The following PKP4 variants were observed in gnomAD, a reference collection of about 807,000 sequenced individuals.
The protein encoded by PKP4 is plakophilin 4.
A neutral mutation model predicts 145.1 loss-of-function variants in PKP4; 90 were observed. The ratio of observed to expected loss-of-function variants is 0.62; its 90% CI spans 0.52 to 0.74. The LOEUF (loss-of-function observed/expected upper bound fraction) is 0.74, where lower values mean the gene tolerates loss of function less well. PKP4 is among the 30% of genes least tolerant of loss of function. PKP4 has a pLI of 0.00. For synonymous variants in PKP4, 563 were observed against 577.2 expected, an observed-to-expected ratio of 0.98 and a Z score of 0.35; for missense variants, 1,340 against 1,482.7, an observed-to-expected ratio of 0.90 and a Z score of 1.58.
At chr2:158,619,941 A>ACACG (rs1491017114) in intron 4 of PKP4, among the ~76,000 whole-genome samples, 1 of 46,332 alleles carries the variant, frequency 2.2e-5, no homozygotes, top group African/African-American at 5.0e-5. Context: ...ACACACACAC[A>ACACG]CACGCACACA....
chr2:158,486,265 A>T (rs1018270390), intron 1 of PKP4, among the ~76,000 whole-genome samples: 2 of 152,212 alleles, frequency 1.3e-5, no homozygotes, highest in Non-Finnish European at 2.9e-5. Context: ...AGGTATAGAG[A>T]CAATATTAAT....
At position 158,621,241 on chromosome 2, in the gene PKP4, T is replaced by C; in HGVS notation, c.423T>C (p.Gly141=). The part of the protein sequence containing the change: ...TSLHESEGSL[G]NSRSSTQMNS... ...GTTTCATTCTTACAGGATCATTGGG[T>C]AACTCAAGAAGTTCAACACAAATGA... The change falls in exon 6 of 22, where the codon GGT becomes GGC. Residue 141 remains glycine (G), a synonymous_variant. Coordinates refer to ENST00000389759, the MANE Select transcript of PKP4 (RefSeq NM_003628.6). 1.9e-6 allele frequency: 3 copies of C among 1,614,168 alleles called. No homozygotes were observed. The South Asian group carries it at 3.3e-5, about 18-fold the overall frequency.
intron 1 of PKP4, 52 bp downstream of exon 1, chr2:158,457,270 T>A (rs1181870031): frequency 1.3e-5 from 2 of 151,178 alleles, no homozygotes; most frequent in Non-Finnish European, 3.0e-5. Flanking sequence ...CACGAGACCC[T>A]CGGCCCTCGC....
intron 2 of PKP4, among the ~76,000 whole-genome samples, chr2:158,550,137 A>C (rs2045469476): frequency 9.8e-6 from 1 of 102,470 alleles, no homozygotes; most frequent in Admixed American, 9.4e-5. Flanking sequence ...CTTTTCTGCC[A>C]AGAAGAAGTT....
intron 4 of PKP4, among the ~76,000 whole-genome samples, chr2:158,604,384 C>T (rs989494566): frequency 4.6e-5 from 7 of 152,234 alleles, no homozygotes; most frequent in African/African-American, 9.6e-5. Context: ...ATACTCTCTC[C>T]GTGATCATGG....
At chr2:158,566,024 A>G (rs1258148461) in intron 2 of PKP4, among the ~76,000 whole-genome samples, 1 of 152,188 alleles carries the variant, frequency 6.6e-6, no homozygotes, top group Non-Finnish European at 1.5e-5. Flanking sequence ...TTCTAATTCT[A>G]GTACCCCTGC....
intron 3 of PKP4, among the ~76,000 whole-genome samples, chr2:158,580,949 T>C (rs2048281385): frequency 6.6e-6 from 1 of 152,208 alleles, no homozygotes; most frequent in Admixed American, 6.5e-5. Context: ...TCCACCCCCA[T>C]GGCCCTGGCA....
chr2:158,492,415 C>T (rs557105759), intron 1 of PKP4, among the ~76,000 whole-genome samples: 8 of 152,318 alleles, frequency 5.3e-5, no homozygotes, highest in Admixed American at 2.6e-4. Context: ...GGTTGCTTCT[C>T]CTTAAGTATC....
chr2:158,643,651 GCA>G (rs70994217), intron 11 of PKP4, among the ~76,000 whole-genome samples: 116,911 of 149,448 alleles, frequency 0.78, 48,364 homozygotes, highest in East Asian at 0.97. Context: ...GGTTGAGGCT[GCA>G]CAGTGAGCCA....
chr2:158,658,080 C>A, intron 11 of PKP4, 51 bp from the exon 12 acceptor site: 1 of 1,049,672 alleles, frequency 9.5e-7, no homozygotes, highest in Non-Finnish European at 1.4e-6. Context: ...TATTTTATTT[C>A]TAAAGCCACA....
At chr2:158,642,830 A>G in intron 11 of PKP4, 131 bp downstream of exon 11, 1 of 534,716 alleles carries the variant, frequency 1.9e-6, no homozygotes, top group Non-Finnish European at 3.2e-6. Context: ...AGTGCTCACA[A>G]CTGTGAAGGC....
At chr2:158,672,839 T>C (rs1033282248) in intron 17 of PKP4, among the ~76,000 whole-genome samples, 2 of 94,536 alleles carry the variant, frequency 2.1e-5, no homozygotes, top group Non-Finnish European at 4.1e-5. Context: ...GAGAGTTTAA[T>C]TGGGAAGATA....
intron 1 of PKP4, among the ~76,000 whole-genome samples, chr2:158,503,511 A>G (rs932685572): frequency 1.6e-4 from 24 of 152,352 alleles, no homozygotes; most frequent in African/African-American, 5.0e-4. Context: ...ATTTTATCAA[A>G]TCCTGTTTTA....
intron 7 of PKP4, among the ~76,000 whole-genome samples, chr2:158,630,606 G>T (rs1265709525): frequency 6.6e-6 from 1 of 152,176 alleles, no homozygotes; most frequent in Non-Finnish European, 1.5e-5. Flanking sequence ...TTAAACATCA[G>T]CCTTTACCAA....
chr2:158,604,271 G>A (rs532394412), intron 4 of PKP4, among the ~76,000 whole-genome samples: 6 of 152,214 alleles, frequency 3.9e-5, no homozygotes, highest in South Asian at 2.1e-4. Flanking sequence ...CAAGTGTCAC[G>A]GGAAGGGAAC....
At chr2:158,469,098 T>G (rs1356799115) in intron 1 of PKP4, among the ~76,000 whole-genome samples, 3 of 146,856 alleles carry the variant, frequency 2.0e-5, no homozygotes, top group East Asian at 2.0e-4. Flanking sequence ...TTTTTTGTTG[T>G]TTTTTTTTTG....
At chr2:158,458,947 T>A (rs71421077) in intron 1 of PKP4, among the ~76,000 whole-genome samples, 9,348 of 150,572 alleles carry the variant, frequency 0.062, 394 homozygotes, top group Non-Finnish European at 0.093. Context: ...AAAAAAAAAA[T>A]AAATGCTGCC....
intron 3 of PKP4, among the ~76,000 whole-genome samples, chr2:158,592,100 T>C (rs1049215137): frequency 6.6e-6 from 1 of 152,072 alleles, no homozygotes; most frequent in African/African-American, 2.4e-5. Flanking sequence ...GTCTCTCCAT[T>C]ATCATTATCA....
intron 3 of PKP4, among the ~76,000 whole-genome samples, chr2:158,584,785 C>T (rs552700537): frequency 2.4e-4 from 37 of 152,262 alleles, no homozygotes; most frequent in Non-Finnish European, 4.9e-4. Context: ...TAAAGAATTT[C>T]AAAACTATAA....
Sources: gnomAD v4.1 joint callset for allele counts (sites outside exome capture counted in the v4.1 genomes callset) on GRCh38, gnomAD v4.1.1 for gene constraint, MANE v1.5 for transcripts, NCBI Gene and HGNC (gene_info 2026-07-23, HGNC 2026-07-21) for gene names.